PRKAR1B: variants seen among roughly 807,000 people sequenced by gnomAD.
PRKAR1B encodes cAMP-dependent protein kinase type I-beta regulatory subunit.
Under a neutral mutation model 46.5 loss-of-function variants are expected in PRKAR1B, and 22 were observed. That is an observed-to-expected ratio of 0.47 (90% CI 0.34 to 0.68). PRKAR1B has a LOEUF of 0.68. Among genes scored for constraint, PRKAR1B ranks in the 30% least tolerant of loss-of-function variants. PRKAR1B has a pLI of 0.01. For missense variants in PRKAR1B, 445 were observed against 535.6 expected, an observed-to-expected ratio of 0.83 and a Z score of 1.67; for synonymous variants, 259 against 217.7, an observed-to-expected ratio of 1.19 and a Z score of -1.67.
Position 573,631 on chromosome 7 carries a change from G to A in PRKAR1B, c.891+5625C>T, listed in dbSNP as rs148774458. 1.2e-3 allele frequency among the ~76,000 whole-genome samples: 185 copies of A among 152,286 alleles called. 1 individual carries two copies. The highest frequency in any genetic ancestry group is 4.1e-3 in the African/African-American group (171 of 41,560). ...CAAGATCACGAAAATCAGCCGTAAC[G>A]GCCTTCAGCAGATGTGCCACTGCGG... On this transcript the variant is annotated intron_variant, in intron 9 of 10. Coordinates refer to ENST00000537384, the MANE Select transcript of PRKAR1B (RefSeq NM_001164760.2).
chr7:566,017 CA>C (rs1779104038), intron 9 of PRKAR1B, among the ~76,000 whole-genome samples: 1 of 152,158 alleles, frequency 6.6e-6, no homozygotes, highest in Non-Finnish European at 1.5e-5. Context: ...TGCATTTTCT[CA>C]TCAGACATAT....
chr7:673,891 C>A (rs988554865), intron 4 of PRKAR1B, among the ~76,000 whole-genome samples: 1 of 152,220 alleles, frequency 6.6e-6, no homozygotes, highest in East Asian at 1.9e-4. Flanking sequence ...CCCGGGCAGG[C>A]CCCTCCTCGC....
chr7:627,116 G>A lies in PRKAR1B; in HGVS notation c.441-19664C>T, dbSNP rs559839292. 3.7e-3 allele frequency among the ~76,000 whole-genome samples: 566 copies of A among 152,158 alleles called. 7 individuals carry two copies. Among genetic ancestry groups the A allele is most frequent in the South Asian group, 0.022 (105 of 4,824 alleles). On this transcript the variant is annotated intron_variant, in intron 4 of 10. Coordinates refer to ENST00000537384, the MANE Select transcript of PRKAR1B (RefSeq NM_001164760.2). ...TCTCAATCTCTTGACCTCGTGATCC[G>A]CCCACCTCGGCCTCCCAAAGTGCAG...
At chr7:592,206 G>A (rs566185015) in intron 7 of PRKAR1B, among the ~76,000 whole-genome samples, 9 of 152,264 alleles carry the variant, frequency 5.9e-5, no homozygotes, top group South Asian at 4.1e-4. Context: ...CCACCGTCCC[G>A]CCCGAGTGAG....
intron 4 of PRKAR1B, among the ~76,000 whole-genome samples, chr7:669,337 G>C (rs931504078): frequency 6.6e-6 from 1 of 152,206 alleles, no homozygotes; most frequent in Non-Finnish European, 1.5e-5. Context: ...GGGCCCAGGA[G>C]GGGGTGATAG....
chr7:606,701 G>C (rs912429216), intron 5 of PRKAR1B, among the ~76,000 whole-genome samples: 1 of 151,950 alleles, frequency 6.6e-6, no homozygotes, highest in Non-Finnish European at 1.5e-5. Context: ...ACCCGCCTCG[G>C]CCTCCCAAAG....
chr7:710,908 T>C (rs1780590621), intron 2 of PRKAR1B, among the ~76,000 whole-genome samples: 1 of 152,136 alleles, frequency 6.6e-6, no homozygotes. Flanking sequence ...CCTCCCAAAG[T>C]GCTGGGATGA....
chr7:681,139 C>T (rs1159442031), intron 2 of PRKAR1B, among the ~76,000 whole-genome samples: 1 of 152,014 alleles, frequency 6.6e-6, no homozygotes, highest in Non-Finnish European at 1.5e-5. Context: ...AGCACTTCTC[C>T]TTCCTGCTGC....
intron 7 of PRKAR1B, among the ~76,000 whole-genome samples, chr7:590,904 C>T (rs779667633): frequency 3.9e-5 from 6 of 152,128 alleles, no homozygotes; most frequent in Non-Finnish European, 5.9e-5. Flanking sequence ...CAGAAAGTGC[C>T]GCGTGTCTGC....
intron 4 of PRKAR1B, among the ~76,000 whole-genome samples, chr7:652,111 G>A (rs1350111808): frequency 1.5e-5 from 2 of 134,178 alleles, no homozygotes; most frequent in East Asian, 2.3e-4. Flanking sequence ...TAGGAACCTG[G>A]GGAAACCCCT....
chr7:669,719 G>A (rs1397559558), intron 4 of PRKAR1B, among the ~76,000 whole-genome samples: 3 of 151,602 alleles, frequency 2.0e-5, no homozygotes, highest in East Asian at 2.0e-4. Flanking sequence ...AGCCGAGATA[G>A]CGCCACTGCA....
At chr7:563,779 G>A (rs1417593000) in intron 9 of PRKAR1B, among the ~76,000 whole-genome samples, 1 of 151,928 alleles carries the variant, frequency 6.6e-6, no homozygotes, top group African/African-American at 2.4e-5. Context: ...ATGCATGTCT[G>A]TATGTACATG....
chr7:685,591 C>T (rs1488946108), intron 2 of PRKAR1B, among the ~76,000 whole-genome samples: 1 of 151,242 alleles, frequency 6.6e-6, no homozygotes, highest in Non-Finnish European at 1.5e-5. Context: ...ACTGTACTTC[C>T]AGGGATAAGA....
At position 666,957 on chromosome 7, in the gene PRKAR1B, G is replaced by A. The variant is rs1407830624; in HGVS notation, c.440+10272C>T. On this transcript the variant is annotated intron_variant, in intron 4 of 10. Transcript: ENST00000537384. This position sits in a 1 kb window ranked among gnomAD's most constrained non-coding sequence, Gnocchi z 4.9. ...AATGACCACAACAGTGATGATGATG[G>A]CGGTGATGATGATGATGGTGATGAT... Among the ~76,000 whole-genome samples the A allele has an allele frequency of 1.3e-5, 2 of 152,190 alleles. No individual in the cohort carries two copies. The highest frequency in any genetic ancestry group is 4.8e-5 in the African/African-American group (2 of 41,444).
intron 4 of PRKAR1B, among the ~76,000 whole-genome samples, chr7:625,540 C>A (rs1216330867): frequency 6.6e-6 from 1 of 152,110 alleles, no homozygotes; most frequent in Non-Finnish European, 1.5e-5. Flanking sequence ...CACTACAGGT[C>A]CCATGGACAA....
chr7:698,424 G>A (rs752071676), intron 2 of PRKAR1B, among the ~76,000 whole-genome samples: 4 of 152,072 alleles, frequency 2.6e-5, no homozygotes, highest in Admixed American at 1.3e-4. Flanking sequence ...AGGAAAGTAC[G>A]TGTGCATGTG....
At chr7:678,840 C>T (rs1007518032) in intron 3 of PRKAR1B, among the ~76,000 whole-genome samples, 5 of 152,202 alleles carry the variant, frequency 3.3e-5, no homozygotes, top group Admixed American at 2.6e-4. Context: ...AATCCCAGCA[C>T]TTTGGGAGGC....
chr7:631,217 T>C (rs1313773832), intron 4 of PRKAR1B, among the ~76,000 whole-genome samples: 1 of 152,132 alleles, frequency 6.6e-6, no homozygotes, highest in Non-Finnish European at 1.5e-5. Flanking sequence ...TCCCAAAGTG[T>C]TGGGATGACA....
At chr7:650,648 G>A (rs1460559943) in intron 4 of PRKAR1B, among the ~76,000 whole-genome samples, 2 of 152,246 alleles carry the variant, frequency 1.3e-5, no homozygotes, top group African/African-American at 4.8e-5. Context: ...GTGGGTGGGG[G>A]CTCTGCCTGG....
Sources: allele counts gnomAD v4.1 joint callset (sites outside exome capture counted in the v4.1 genomes callset), GRCh38; gene constraint gnomAD v4.1.1; non-coding constraint Gnocchi (gnomAD v3.1); transcripts MANE v1.5; gene names NCBI Gene and HGNC (gene_info 2026-07-23, HGNC 2026-07-21).